Variants in CRPPA observed in about 807,000 individuals in gnomAD.
CRPPA encodes CDP-L-ribitol pyrophosphorylase A.
A neutral mutation model predicts 52.0 loss-of-function variants in CRPPA; 43 were observed. The ratio of observed to expected loss-of-function variants is 0.83; its 90% confidence interval spans 0.65 to 1.07. The LOEUF (loss-of-function observed/expected upper bound fraction) is 1.07. Ranked by LOEUF, CRPPA falls within the 50% of genes least tolerant of loss-of-function variation. The probability of loss-of-function intolerance (pLI) is 0.00; values close to 1 mark genes in which losing one functional copy is unlikely to be tolerated. For synonymous variants in CRPPA, 250 were observed against 203.5 expected, an observed-to-expected ratio of 1.23 and a Z score of -1.94; for missense variants, 629 against 551.7, an observed-to-expected ratio of 1.14 and a Z score of -1.40.
intron 9 of CRPPA, among the ~76,000 whole-genome samples, chr7:16,210,165 T>C (rs913955253): frequency 6.6e-5 from 10 of 152,202 alleles, no homozygotes; most frequent in African/African-American, 2.4e-4. Context: ...TGTGTATGGA[T>C]AGATACATGT....
At chr7:16,213,807 T>C (rs1279210412) in intron 9 of CRPPA, among the ~76,000 whole-genome samples, 5 of 152,156 alleles carry the variant, frequency 3.3e-5, no homozygotes, top group African/African-American at 1.2e-4. Context: ...TCCCTTAGTC[T>C]ATTTTAAGTA....
chr7:16,340,673 C>CTTTGGA (rs553862158), intron 3 of CRPPA, among the ~76,000 whole-genome samples: 17 of 150,346 alleles, frequency 1.1e-4, no homozygotes, highest in Non-Finnish European at 2.2e-4. Context: ...CAGAATAGTA[C>CTTTGGA]ATCCACTTTG....
At chr7:16,098,817 T>C (rs1204397543) in intron 9 of CRPPA, among the ~76,000 whole-genome samples, 1 of 152,204 alleles carries the variant, frequency 6.6e-6, no homozygotes, top group Non-Finnish European at 1.5e-5. Context: ...TGTATGTCAA[T>C]TGCCAAAACT....
intron 2 of CRPPA, among the ~76,000 whole-genome samples, chr7:16,398,158 A>G (rs1011707600): frequency 6.6e-6 from 1 of 152,130 alleles, no homozygotes; most frequent in Non-Finnish European, 1.5e-5. Flanking sequence ...CATGTGAATG[A>G]CACAATTGAC....
intron 5 of CRPPA, among the ~76,000 whole-genome samples, chr7:16,296,975 T>C (rs1336782153): frequency 6.6e-6 from 1 of 152,174 alleles, no homozygotes; most frequent in Non-Finnish European, 1.5e-5. Context: ...GAATCAGAGC[T>C]AGGCAAGCTG....
chr7:16,130,009 T>A (rs1053897045), intron 9 of CRPPA, among the ~76,000 whole-genome samples: 48 of 152,288 alleles, frequency 3.2e-4, no homozygotes, highest in Middle Eastern at 6.8e-3. Context: ...TCGAATTTTT[T>A]AAAAACTTGT....
In CRPPA at chr7:16,091,809, A is replaced by C; in HGVS notation, c.1252-10T>G. The C allele has an allele frequency of 7.0e-7, 1 of 1,431,480 alleles. No homozygotes were observed. Among genetic ancestry groups the C allele is most frequent in the South Asian group, 1.4e-5 (1 of 72,906 alleles). The allele number at this position is 1,431,480 out of a possible 1,614,324, so 88.7% of individuals were successfully genotyped here. On this transcript the variant is annotated splice_polypyrimidine_tract_variant and intron_variant, in intron 9 of 9. Coordinates refer to ENST00000407010, the MANE Select transcript of CRPPA (RefSeq NM_001101426.4). ...GTAGCTTCTGATCATCCTGAAAAGA[A>C]AGGATAAACCAGTAATATTTTAGAA...
chr7:16,325,476 C>T (rs1361392991), intron 3 of CRPPA, among the ~76,000 whole-genome samples: 1 of 152,124 alleles, frequency 6.6e-6, no homozygotes, highest in Non-Finnish European at 1.5e-5. Context: ...ACAAGAGCTA[C>T]TCAGGAAGAT....
chr7:16,283,695 A>C (rs1035961750), intron 5 of CRPPA, among the ~76,000 whole-genome samples: 1 of 151,734 alleles, frequency 6.6e-6, no homozygotes, highest in Non-Finnish European at 1.5e-5. Flanking sequence ...GAGTTTAGTG[A>C]GATAGAGCTG....
intron 9 of CRPPA, among the ~76,000 whole-genome samples, chr7:16,154,050 T>A (rs1268600710): frequency 6.7e-6 from 1 of 150,214 alleles, no homozygotes; most frequent in Admixed American, 6.7e-5. Context: ...TCTCAGGTCA[T>A]CTCGTATGGT....
intron 9 of CRPPA, among the ~76,000 whole-genome samples, chr7:16,128,071 C>A (rs955412915): frequency 6.6e-6 from 1 of 152,048 alleles, no homozygotes; most frequent in South Asian, 2.1e-4. Context: ...AATGGTTGAG[C>A]TAATTTTTAC....
At chr7:16,209,612 C>A (rs1266334532) in intron 9 of CRPPA, among the ~76,000 whole-genome samples, 2 of 152,022 alleles carry the variant, frequency 1.3e-5, no homozygotes, top group African/African-American at 2.4e-5. Flanking sequence ...AAAATAAAAT[C>A]TTGAGTTTAC....
Position 16,420,863 on chromosome 7 carries a change from G to C in CRPPA, c.257+203C>G, listed in dbSNP as rs12666104. ...CTTGGGGACGTAAAGGGCTCTGTGG[G>C]GGAGCTGCAGCTTTCGTGCCCATCT... is the stretch of plus-strand genomic sequence containing the variant. On this transcript the variant is annotated intron_variant, in intron 1 of 9. Coordinates refer to ENST00000407010, the MANE Select transcript of CRPPA (RefSeq NM_001101426.4). 0.1 allele frequency among the ~76,000 whole-genome samples: 15,673 copies of C among 152,160 alleles called. 951 individuals carry two copies. The highest frequency in any genetic ancestry group is 0.25 in the South Asian group (1,225 of 4,812).
At position 16,090,003 on chromosome 7, in the gene CRPPA, T is replaced by C. The variant is rs1040773774; in HGVS notation, c.*1692A>G. On this transcript the variant is annotated 3_prime_UTR_variant, in exon 10 of 10. Transcript: ENST00000407010. The stretch of plus-strand genomic sequence containing the variant: ...ATTTTCACCTGATGACTTCAACAGG[T>C]GCATGTTGGGGACTTGGCAGCTGTG... The C allele has an allele frequency of 1.3e-5, 2 of 153,578 alleles. No individual in the cohort carries two copies. The highest frequency in any genetic ancestry group is 2.4e-5 in the African/African-American group (1 of 41,424). The allele number at this position is 153,578 out of a possible 1,614,324, so 9.5% of individuals were successfully genotyped here. A position where few individuals can be genotyped will look rare whatever the true frequency, so the allele number is the denominator to read the frequency against.
chr7:16,193,680 C>CTG (rs1237212125), intron 9 of CRPPA, among the ~76,000 whole-genome samples: 1 of 151,952 alleles, frequency 6.6e-6, no homozygotes, highest in Non-Finnish European at 1.5e-5. Context: ...ATCTGTGTGT[C>CTG]TGTGTGTGTG....
intron 2 of CRPPA, among the ~76,000 whole-genome samples, chr7:16,400,266 C>A (rs6949112): frequency 0.27 from 41,729 of 152,082 alleles, 6,045 homozygotes; most frequent in South Asian, 0.38. Flanking sequence ...GTGATTGTCA[C>A]GTGATTACCT....
intron 9 of CRPPA, among the ~76,000 whole-genome samples, chr7:16,158,432 G>T: frequency 6.6e-6 from 1 of 151,848 alleles, no homozygotes; most frequent in East Asian, 1.9e-4. Flanking sequence ...ATTTCTAAAT[G>T]GAATACAGTT....
chr7:16,200,861 T>C (rs1209407090), intron 9 of CRPPA, among the ~76,000 whole-genome samples: 1 of 152,198 alleles, frequency 6.6e-6, no homozygotes, highest in Non-Finnish European at 1.5e-5. Context: ...AAATATCTAA[T>C]ACATAGATAT....
chr7:16,148,158 C>G (rs1783009938), intron 9 of CRPPA, among the ~76,000 whole-genome samples: 1 of 152,084 alleles, frequency 6.6e-6, no homozygotes, highest in Admixed American at 6.5e-5. Flanking sequence ...AACATGTATA[C>G]ATACTATACA....
Sources: allele counts gnomAD v4.1 joint callset (sites outside exome capture counted in the v4.1 genomes callset), GRCh38; gene constraint gnomAD v4.1.1; transcripts MANE v1.5; gene names NCBI Gene and HGNC (gene_info 2026-07-23, HGNC 2026-07-21).